The following WNK2 variants were observed in gnomAD, a reference collection of about 807,000 sequenced individuals.
WNK2 encodes the protein WNK lysine deficient protein kinase 2.
A neutral mutation model predicts 192.1 loss-of-function variants in WNK2; 67 were observed. The ratio of observed to expected loss-of-function variants is 0.35; its 90% CI spans 0.29 to 0.43. The LOEUF is 0.43. Among genes scored for constraint, WNK2 ranks in the 20% least tolerant of loss-of-function variants. WNK2 has a pLI of 1.00. For missense variants in WNK2, 2,698 were observed against 3,089.7 expected (o/e 0.87, Z 3.01); for synonymous variants, 1,439 against 1,393.9 (o/e 1.03, Z -0.72).
rs867390712 is a variant in WNK2 at position 93,257,689 on chromosome 9, G to A, written c.2382+550G>A. On this transcript the variant is annotated intron_variant, in intron 11 of 29. Transcript: ENST00000427277. The surrounding 1 kb of genome is among the most constrained non-coding windows in gnomAD (Gnocchi z 4.7). The stretch of plus-strand genomic sequence containing the variant: ...CTTCCTGTGGAGCTCCTCCAGGGCC[G>A]TGTGGCATGTGGCTCCTCGGAGTTC... Among the ~76,000 whole-genome samples the A allele has an allele frequency of 5.3e-5, 8 of 152,238 alleles. No individual in the cohort carries two copies. The highest frequency in any genetic ancestry group is 2.1e-4 in the South Asian group (1 of 4,832).
In WNK2 at chr9:93,257,408, C is replaced by T. The variant is rs1455799679; in HGVS notation, c.2382+269C>T. On this transcript the variant is annotated intron_variant, in intron 11 of 29. Coordinates refer to ENST00000427277, the MANE Select transcript of WNK2 (RefSeq NM_006648.4). The surrounding 1 kb of genome is among the most constrained non-coding windows in gnomAD (Gnocchi z 4.7). ...GCTGTCTCCTGCCCTCCAGCCTCAC[C>T]TTCTCTACCAACCTGGCAGGCTGCT... 1.3e-5 allele frequency among the ~76,000 whole-genome samples: 2 copies of T among 152,164 alleles called. No individual in the cohort carries two copies. The highest frequency in any genetic ancestry group is 2.9e-5 in the Non-Finnish European group (2 of 68,018).
intron 2 of WNK2, among the ~76,000 whole-genome samples, chr9:93,191,889 T>C (rs991537685): frequency 1.3e-5 from 2 of 151,550 alleles, no homozygotes; most frequent in Non-Finnish European, 2.9e-5. Flanking sequence ...TAGCCAAGTA[T>C]GGTGGCGGGC....
intron 2 of WNK2, among the ~76,000 whole-genome samples, chr9:93,201,413 C>A (rs563415230): frequency 2.0e-5 from 3 of 152,210 alleles, no homozygotes; most frequent in Non-Finnish European, 4.4e-5. Context: ...GGGGTGCTCA[C>A]GCTGCATGCT....
intron 1 of WNK2, among the ~76,000 whole-genome samples, 190 bp downstream of exon 1, chr9:93,184,575 G>C (rs1483438880): frequency 6.6e-6 from 1 of 152,158 alleles, no homozygotes; most frequent in African/African-American, 2.4e-5. Flanking sequence ...GGACAGCCTA[G>C]CAGAACCCTC....
intron 18 of WNK2, 88 bp downstream of exon 18, chr9:93,268,153 T>C (rs1003570366): frequency 6.6e-7 from 1 of 1,520,106 alleles, no homozygotes; most frequent in Non-Finnish European, 8.9e-7. Flanking sequence ...GGCCATTGCT[T>C]GGGGGGATTA....
chr9:93,247,689 G>A lies in WNK2; in HGVS notation c.1689G>A (p.Lys563=), dbSNP rs895024338. ...AGCAGGATGTGGGCAGCCCGGACAAGGCCAGGGGTCCGCCGGTGCCCCTGC... is the reference window on the plus strand; with the variant it reads ...AGCAGGATGTGGGCAGCCCGGACAAAGCCAGGGGTCCGCCGGTGCCCCTGC... ...KEQQDVGSPD[K]ARGPPVPLQV... The change falls in exon 8 of 30, where the codon AAG becomes AAA. Residue 563 remains lysine (K), a synonymous_variant. Transcript: ENST00000427277. This position sits in a 1 kb window ranked among gnomAD's most constrained non-coding sequence, Gnocchi z 5.2. 3 of 1,571,404 alleles carry A rather than the reference G, an allele frequency of 1.9e-6. No homozygotes were observed. In the African/African-American group the frequency reaches 4.1e-5, roughly 21 times the overall value.
Position 93,247,950 on chromosome 9 carries a change from AG to A in WNK2, c.1834+121del, listed in dbSNP as rs1156787765. 2 of 1,228,520 alleles carry A rather than the reference AG, an allele frequency of 1.6e-6. No homozygotes were observed. The highest frequency in any genetic ancestry group is 2.2e-6 in the Non-Finnish European group (2 of 897,342). The allele number at this position is 1,228,520 out of a possible 1,614,324, so 76.1% of individuals were successfully genotyped here. A position where few individuals can be genotyped will look rare whatever the true frequency, so the allele number is the denominator to read the frequency against. ...CCTTTATTGGAATGCTTTGTGAGGA[AG>A]GGGGTCCGCATGGCATCCCCTCGGA... On this transcript the variant is annotated intron_variant, in intron 8 of 29. Coordinates refer to ENST00000427277, the MANE Select transcript of WNK2 (RefSeq NM_006648.4). The surrounding 1 kb of genome is among the most constrained non-coding windows in gnomAD (Gnocchi z 5.2).
Position 93,247,701 on chromosome 9 carries a change from G to C in WNK2, c.1701G>C (p.Pro567=). Reference sequence around the variant, plus strand: ...GCAGCCCGGACAAGGCCAGGGGTCCGCCGGTGCCCCTGCAGGTCCAGGTGA... The same window carrying C: ...GCAGCCCGGACAAGGCCAGGGGTCCCCCGGTGCCCCTGCAGGTCCAGGTGA... ...DVGSPDKARG[P]PVPLQVQVTY... is the part of the protein sequence containing the mutation. The change falls in exon 8 of 30, where the codon CCG becomes CCC. Residue 567 remains proline, a synonymous_variant. Coordinates refer to ENST00000427277, the MANE Select transcript of WNK2 (RefSeq NM_006648.4). This position sits in a 1 kb window ranked among gnomAD's most constrained non-coding sequence, Gnocchi z 5.2. 5.1e-6 allele frequency: 8 copies of C among 1,565,236 alleles called. No individual in the cohort carries two copies. Among genetic ancestry groups the C allele is most frequent in the Non-Finnish European group, 6.1e-6 (7 of 1,155,296 alleles).
chr9:93,285,522 G>A (rs901682352), intron 19 of WNK2, among the ~76,000 whole-genome samples: 4 of 152,094 alleles, frequency 2.6e-5, no homozygotes, highest in African/African-American at 9.7e-5. Context: ...CTAACGAAAA[G>A]TATGTAACAT....
chr9:93,192,332 A>C (rs1587757381), intron 2 of WNK2, among the ~76,000 whole-genome samples: 1 of 148,626 alleles, frequency 6.7e-6, no homozygotes, highest in Admixed American at 6.7e-5. Context: ...AAAAAGAGAG[A>C]GAGAGAAGGT....
At chr9:93,243,632 G>A (rs370200332) in intron 7 of WNK2, among the ~76,000 whole-genome samples, 2 of 152,232 alleles carry the variant, frequency 1.3e-5, no homozygotes, top group African/African-American at 4.8e-5. Flanking sequence ...GAGCCGCCTG[G>A]CAGCAGCTGG....
chr9:93,258,233 A>G (rs1843637118), intron 11 of WNK2, among the ~76,000 whole-genome samples: 1 of 152,188 alleles, frequency 6.6e-6, no homozygotes. Flanking sequence ...TGGAAGTGCT[A>G]TGTCCATGTG....
intron 2 of WNK2, among the ~76,000 whole-genome samples, chr9:93,224,248 C>T (rs1242837731): frequency 6.6e-6 from 1 of 152,220 alleles, no homozygotes; most frequent in Non-Finnish European, 1.5e-5. Context: ...TTTTGGGGTC[C>T]TGCCTAGCTG....
rs934235851 is a variant in WNK2 at position 93,257,293 on chromosome 9, C to T, written c.2382+154C>T. On this transcript the variant is annotated intron_variant, in intron 11 of 29. Coordinates refer to ENST00000427277, the MANE Select transcript of WNK2 (RefSeq NM_006648.4). This position sits in a 1 kb window ranked among gnomAD's most constrained non-coding sequence, Gnocchi z 4.7. Reference sequence around the variant, plus strand: ...GGAGTTGGGGCTGGGCTGGGGAGTCCGGGCTGGGCAGTGTGCACAGTCATA... The same window carrying T: ...GGAGTTGGGGCTGGGCTGGGGAGTCTGGGCTGGGCAGTGTGCACAGTCATA... Among the ~76,000 whole-genome samples the T allele has an allele frequency of 6.6e-6, 1 of 152,058 alleles. No homozygotes were observed. Among genetic ancestry groups the T allele is most frequent in the Non-Finnish European group, 1.5e-5 (1 of 67,998 alleles).
chr9:93,259,679 C>T lies in WNK2; in HGVS notation c.3066+65C>T. 1 of 1,405,466 alleles carries T rather than the reference C, an allele frequency of 7.1e-7. No individual in the cohort carries two copies. Among genetic ancestry groups the T allele is most frequent in the Non-Finnish European group, 9.4e-7 (1 of 1,064,036 alleles). 87.1% of individuals were successfully genotyped at this position (1,405,466 alleles called of 1,614,324 possible). ...TGGGGACCCTCAGGACCCAGAGATG[C>T]AAAGGAGGACAGAGGCAGGCAAGGA... On this transcript the variant is annotated intron_variant, in intron 12 of 29. Transcript: ENST00000427277. This position sits in a 1 kb window ranked among gnomAD's most constrained non-coding sequence, Gnocchi z 4.8.
At chr9:93,202,477 G>A (rs1191285380) in intron 2 of WNK2, among the ~76,000 whole-genome samples, 1 of 152,174 alleles carries the variant, frequency 6.6e-6, no homozygotes, top group Non-Finnish European at 1.5e-5. Context: ...TGTCCCGTGG[G>A]CGGTCAGCCC....
intron 23 of WNK2, among the ~76,000 whole-genome samples, chr9:93,295,060 T>C (rs1040697870): frequency 6.6e-6 from 1 of 152,148 alleles, no homozygotes; most frequent in Non-Finnish European, 1.5e-5. Flanking sequence ...TGGGGTTTCC[T>C]AGGGCTCCAG....
intron 2 of WNK2, 69 bp downstream of exon 2, chr9:93,185,679 C>T (rs1829165363): frequency 6.5e-7 from 1 of 1,531,718 alleles, no homozygotes; most frequent in Admixed American, 2.0e-5. Flanking sequence ...TGGGCCTGTC[C>T]TTGCTCCTGC....
chr9:93,289,587 G>A lies in WNK2; in HGVS notation c.4833G>A (p.Ala1611=), dbSNP rs760839204. ...DLALPPVPKE[A]VSGRVQLPQP... ...CCCTGCCCCCAGTGCCTAAGGAGGC[G>A]GTCTCAGGGCGTGTCCAGCTGCCCC... The change falls in exon 20 of 30, where the codon GCG becomes GCA. Residue 1611 remains alanine (A), a synonymous_variant. Transcript: ENST00000427277. 6.5e-5 allele frequency: 98 copies of A among 1,506,774 alleles called. No homozygotes were observed. The highest frequency in any genetic ancestry group is 7.3e-5 in the Non-Finnish European group (83 of 1,131,322). 93.3% of individuals were successfully genotyped at this position (1,506,774 alleles called of 1,614,324 possible).
Sources: gnomAD v4.1 joint callset for allele counts (sites outside exome capture counted in the v4.1 genomes callset) on GRCh38, gnomAD v4.1.1 for gene constraint, Gnocchi (gnomAD v3.1) non-coding constraint, MANE v1.5 for transcripts, NCBI Gene and HGNC (gene_info 2026-07-23, HGNC 2026-07-21) for gene names.